DYM: variants seen among roughly 807,000 people sequenced by gnomAD.
DYM encodes the protein dymeclin, also known as dyggve-Melchior-Clausen syndrome protein.
A neutral mutation model predicts 93.1 loss-of-function variants in DYM; 78 were observed. The ratio of observed to expected loss-of-function variants is 0.84; its 90% CI spans 0.70 to 1.01. The LOEUF (loss-of-function observed/expected upper bound fraction) is 1.01. DYM is among the 50% of genes least tolerant of loss of function. The pLI is 0.00. For synonymous variants in DYM, 321 were observed against 319.7 expected, an observed-to-expected ratio of 1.00 and a Z score of -0.04; for missense variants, 789 against 845.0, an observed-to-expected ratio of 0.93 and a Z score of 0.82.
chr18:49,303,618 A>C (rs2061085527), intron 8 of DYM, among the ~76,000 whole-genome samples: 1 of 152,134 alleles, frequency 6.6e-6, no homozygotes, highest in Non-Finnish European at 1.5e-5. Context: ...CAGTGAGGTA[A>C]GGCTGAAAAG....
At chr18:49,103,826 A>T (rs1346141886) in intron 16 of DYM, among the ~76,000 whole-genome samples, 4 of 151,796 alleles carry the variant, frequency 2.6e-5, no homozygotes, top group Admixed American at 2.6e-4. Flanking sequence ...CTTGTAGTAT[A>T]GTTTGAAGTC....
chr18:49,277,188 G>A (rs137926081), intron 10 of DYM, among the ~76,000 whole-genome samples: 1 of 152,142 alleles, frequency 6.6e-6, no homozygotes, highest in African/African-American at 2.4e-5. Context: ...ATGGATATGA[G>A]ATACAGGTAA....
At chr18:49,346,176 T>C (rs1433417751) in intron 6 of DYM, among the ~76,000 whole-genome samples, 1 of 152,176 alleles carries the variant, frequency 6.6e-6, no homozygotes, top group Non-Finnish European at 1.5e-5. Context: ...ATCTTGTACA[T>C]TGATGCTCAA....
At chr18:49,184,416 A>G (rs990056210) in intron 14 of DYM, among the ~76,000 whole-genome samples, 2 of 152,104 alleles carry the variant, frequency 1.3e-5, no homozygotes, top group East Asian at 3.8e-4. Context: ...TTCCCTAAGG[A>G]CTGGGTTACT....
intron 13 of DYM, among the ~76,000 whole-genome samples, chr18:49,254,368 G>A (rs1281129662): frequency 6.8e-6 from 1 of 147,926 alleles, no homozygotes; most frequent in East Asian, 2.1e-4. Context: ...CTACTGAAAT[G>A]CAAGCTGCTT....
intron 17 of DYM, among the ~76,000 whole-genome samples, chr18:49,080,674 T>C (rs1452185829): frequency 7.5e-6 from 1 of 133,274 alleles, no homozygotes. Flanking sequence ...ACGGGGCGGC[T>C]GCCGGGCAGA....
At chr18:49,070,975 G>C (rs1408752111) in intron 17 of DYM, among the ~76,000 whole-genome samples, 2 of 152,050 alleles carry the variant, frequency 1.3e-5, no homozygotes, top group African/African-American at 4.8e-5. Flanking sequence ...TCTTCAATAG[G>C]GACTGTTAGC....
At chr18:49,225,549 T>C (rs1459166423) in intron 13 of DYM, among the ~76,000 whole-genome samples, 1 of 152,130 alleles carries the variant, frequency 6.6e-6, no homozygotes, top group African/African-American at 2.4e-5. Flanking sequence ...ACTATAATAA[T>C]AATAATGAAC....
At chr18:49,360,085 G>C (rs1233470933) in intron 6 of DYM, among the ~76,000 whole-genome samples, 3 of 152,046 alleles carry the variant, frequency 2.0e-5, no homozygotes. Context: ...TAATTTAAAA[G>C]GTATAAACAC....
chr18:49,119,934 C>A (rs1314267951), intron 15 of DYM, among the ~76,000 whole-genome samples: 2 of 151,752 alleles, frequency 1.3e-5, no homozygotes, highest in African/African-American at 2.4e-5. Context: ...CAAAAATTAG[C>A]CAGGCGTGGT....
intron 14 of DYM, among the ~76,000 whole-genome samples, chr18:49,203,560 C>G (rs1318427922): frequency 7.0e-6 from 1 of 143,872 alleles, no homozygotes; most frequent in African/African-American, 2.6e-5. Flanking sequence ...TACCCCCAAC[C>G]CTGTGCTCTC....
chr18:49,457,567 A>G (rs1444516078), intron 1 of DYM, among the ~76,000 whole-genome samples: 2 of 152,182 alleles, frequency 1.3e-5, no homozygotes, highest in African/African-American at 4.8e-5. Flanking sequence ...CTACAATCCT[A>G]AGTAAAAGAC....
intron 2 of DYM, among the ~76,000 whole-genome samples, chr18:49,397,623 T>C (rs1215392413): frequency 6.6e-6 from 1 of 152,234 alleles, no homozygotes; most frequent in African/African-American, 2.4e-5. Flanking sequence ...TGAAGTGCAC[T>C]TTTTAAAAGA....
chr18:49,443,916 A>G (rs1045480206), intron 1 of DYM, among the ~76,000 whole-genome samples: 4 of 152,230 alleles, frequency 2.6e-5, no homozygotes, highest in Middle Eastern at 3.2e-3. Context: ...TCTTTCCATG[A>G]AAACAGTGGC....
At chr18:49,059,074 T>G (rs2075738603) in intron 17 of DYM, among the ~76,000 whole-genome samples, 1 of 152,224 alleles carries the variant, frequency 6.6e-6, no homozygotes, top group Non-Finnish European at 1.5e-5. Context: ...TACCTCTAAG[T>G]GCATACGAAA....
At chr18:49,226,622 T>A (rs1469096845) in intron 13 of DYM, among the ~76,000 whole-genome samples, 1 of 152,084 alleles carries the variant, frequency 6.6e-6, no homozygotes, top group African/African-American at 2.4e-5. Flanking sequence ...GAATATAGAG[T>A]TAGGGTGAAG....
chr18:49,414,717 T>C (rs1325719893), intron 2 of DYM, among the ~76,000 whole-genome samples: 1 of 152,222 alleles, frequency 6.6e-6, no homozygotes, highest in Non-Finnish European at 1.5e-5. Flanking sequence ...CAAATGCTGC[T>C]TTCCCAGAGA....
chr18:49,439,040 C>G (rs983641145), intron 1 of DYM, among the ~76,000 whole-genome samples: 1 of 152,208 alleles, frequency 6.6e-6, no homozygotes, highest in African/African-American at 2.4e-5. Context: ...TCTTCTTTCT[C>G]TAAATCTGTC....
chr18:49,244,442 T>C (rs2094118273), intron 13 of DYM, among the ~76,000 whole-genome samples: 2 of 152,194 alleles, frequency 1.3e-5, no homozygotes, highest in African/African-American at 4.8e-5. Context: ...AAGTAAAGTG[T>C]TATATTAAAC....
Sources: allele counts gnomAD v4.1 joint callset (sites outside exome capture counted in the v4.1 genomes callset), GRCh38; gene constraint gnomAD v4.1.1; transcripts MANE v1.5; gene names NCBI Gene and HGNC (gene_info 2026-07-23, HGNC 2026-07-21).